NEK1: variants seen among roughly 807,000 people sequenced by gnomAD.
NEK1 encodes the protein NIMA related kinase 1, also known as serine/threonine-protein kinase Nek1.
In NEK1, 137 loss-of-function variants were observed where a neutral mutation model predicts 182.1. That is an observed-to-expected ratio of 0.75 (90% CI 0.65 to 0.87). The LOEUF (loss-of-function observed/expected upper bound fraction) is 0.87. Among genes scored for constraint, NEK1 ranks in the 40% least tolerant of loss-of-function variants. The pLI, the probability that NEK1 is intolerant of heterozygous loss-of-function variation, is 0.00. For missense variants in NEK1, 1,391 were observed against 1,494.4 expected (o/e 0.93, Z 1.14); for synonymous variants, 513 against 492.2 (o/e 1.04, Z -0.56).
rs143909116 is a variant in NEK1, at chr4:169,605,150, G to T, written c.-48-2472C>A. Reference sequence around the variant, plus strand: ...TCATTATTCTGCGACTTTCTGCCAAGAGAGGGAAACAAAATTAGTCAATTT... The same window carrying T: ...TCATTATTCTGCGACTTTCTGCCAATAGAGGGAAACAAAATTAGTCAATTT... On this transcript the variant is annotated intron_variant, in intron 2 of 35. Coordinates refer to ENST00000507142, the MANE Select transcript of NEK1 (RefSeq NM_001199397.3). Among the ~76,000 whole-genome samples, 10 of 152,302 alleles carry T rather than the reference G, an allele frequency of 6.6e-5. No individual in the cohort carries two copies. In the East Asian group the frequency reaches 7.7e-4, roughly 12 times the overall value.
chr4:169,409,162 T>A (rs1165820116), intron 31 of NEK1, among the ~76,000 whole-genome samples: 1 of 152,138 alleles, frequency 6.6e-6, no homozygotes, highest in Non-Finnish European at 1.5e-5. Context: ...TTTCTTTTTT[T>A]TGAGACAGAG....
At chr4:169,480,182 T>C (rs1747719139) in intron 23 of NEK1, among the ~76,000 whole-genome samples, 2 of 152,158 alleles carry the variant, frequency 1.3e-5, no homozygotes, top group Admixed American at 6.5e-5. Context: ...CTAGTCTTCC[T>C]CAATCTAGGA....
chr4:169,489,713 A>C (rs1749712896), intron 23 of NEK1, among the ~76,000 whole-genome samples: 1 of 152,110 alleles, frequency 6.6e-6, no homozygotes, highest in Non-Finnish European at 1.5e-5. Context: ...CAGAAACTGA[A>C]GTGCAGTTAT....
rs1408908456 is a variant in NEK1 at position 169,516,388 on chromosome 4, A to C, written c.1666-7536T>G. Among the ~76,000 whole-genome samples, 4 of 126,602 alleles carry C rather than the reference A, an allele frequency of 3.2e-5. 1 individual carries two copies. The highest frequency in any genetic ancestry group is 1.5e-4 in the African/African-American group (4 of 25,978). 83.1% of individuals were successfully genotyped at this position (126,602 alleles called of 152,430 possible). Reference sequence around the variant, plus strand: ...TTGTAAATTTGTTTGAGTTCATTGTAGATTCTGGATATTAGGCCTTTGTCA... The same window carrying C: ...TTGTAAATTTGTTTGAGTTCATTGTCGATTCTGGATATTAGGCCTTTGTCA... On this transcript the variant is annotated intron_variant, in intron 19 of 35. Coordinates refer to ENST00000507142, the MANE Select transcript of NEK1 (RefSeq NM_001199397.3).
intron 2 of NEK1, among the ~76,000 whole-genome samples, chr4:169,610,454 C>T (rs10018998): frequency 0.088 from 13,409 of 151,916 alleles, 773 homozygotes; most frequent in African/African-American, 0.16. Flanking sequence ...GCTGGGATTA[C>T]AGGCACGCAC....
intron 19 of NEK1, among the ~76,000 whole-genome samples, chr4:169,523,500 T>C (rs1027419045): frequency 4.6e-5 from 7 of 152,098 alleles, no homozygotes; most frequent in African/African-American, 1.4e-4. Flanking sequence ...AAAATTGCCA[T>C]CCAATAACCA....
chr4:169,562,055 G>C (rs1229378259), intron 13 of NEK1, 82 bp downstream of exon 13: 1 of 1,194,192 alleles, frequency 8.4e-7, no homozygotes, highest in African/African-American at 1.6e-5. Context: ...GGAAAGGTTT[G>C]GAGGCTTTAT....
At chr4:169,401,913 G>T in intron 32 of NEK1, 53 bp from the exon 33 acceptor site, 1 of 1,451,510 alleles carries the variant, frequency 6.9e-7, no homozygotes. Context: ...AATTTACCAA[G>T]TTAAACAACT....
At chr4:169,459,259 A>G (rs1743493277) in intron 27 of NEK1, among the ~76,000 whole-genome samples, 4 of 152,240 alleles carry the variant, frequency 2.6e-5, no homozygotes, top group Admixed American at 2.6e-4. Context: ...GTGGCAAAGC[A>G]GCATATAGTA....
At chr4:169,521,972 G>A (rs1756139814) in intron 19 of NEK1, among the ~76,000 whole-genome samples, 1 of 152,060 alleles carries the variant, frequency 6.6e-6, no homozygotes, top group African/African-American at 2.4e-5. Context: ...TCATTTTTCG[G>A]TCACATACTT....
At chr4:169,432,826 T>G (rs1737683917) in intron 29 of NEK1, among the ~76,000 whole-genome samples, 1 of 152,206 alleles carries the variant, frequency 6.6e-6, no homozygotes, top group Admixed American at 6.5e-5. Context: ...CAGGCTGGCA[T>G]GCAGTGGTGC....
intron 16 of NEK1, among the ~76,000 whole-genome samples, chr4:169,558,525 A>T (rs567105964): frequency 6.6e-6 from 1 of 152,228 alleles, no homozygotes; most frequent in African/African-American, 2.4e-5. Context: ...AAAATCATAA[A>T]TATGTACTCT....
chr4:169,571,322 C>A (rs1764816681), intron 12 of NEK1, among the ~76,000 whole-genome samples: 1 of 152,062 alleles, frequency 6.6e-6, no homozygotes, highest in Admixed American at 6.6e-5. Flanking sequence ...GAACTATTTG[C>A]CAGGAACTAG....
At chr4:169,609,102 T>G (rs1286371806) in intron 2 of NEK1, among the ~76,000 whole-genome samples, 1 of 146,512 alleles carries the variant, frequency 6.8e-6, no homozygotes, top group Non-Finnish European at 1.5e-5. Context: ...AATTTTAAAA[T>G]ACAAGGGGTA....
In NEK1 at chr4:169,591,059, G is replaced by A. The variant is rs115368339; in HGVS notation, c.313-250C>T. 6.9e-3 allele frequency among the ~76,000 whole-genome samples: 1,053 copies of A among 152,088 alleles called. 11 individuals carry two copies. Among genetic ancestry groups the A allele is most frequent in the African/African-American group, 0.024 (1,013 of 41,464 alleles). On this transcript the variant is annotated intron_variant, in intron 5 of 35. Transcript: ENST00000507142. The stretch of plus-strand genomic sequence containing the variant: ...ACAAACATGGAAAGTAACTTTATGA[G>A]TGAAAATGCAAATAATTTATATTTT...
chr4:169,542,968 C>T (rs577828578), intron 18 of NEK1, among the ~76,000 whole-genome samples: 1 of 152,252 alleles, frequency 6.6e-6, no homozygotes, highest in South Asian at 2.1e-4. Flanking sequence ...GTTGCTTTTG[C>T]TGTGCAGAAG....
intron 29 of NEK1, among the ~76,000 whole-genome samples, chr4:169,428,886 T>C (rs1169871517): frequency 2.6e-5 from 4 of 152,226 alleles, no homozygotes; most frequent in Non-Finnish European, 5.9e-5. Flanking sequence ...AATATTATTT[T>C]ATTCCATTAA....
rs796124050 is a variant in NEK1 at position 169,563,368 on chromosome 4, T to TA, written c.1021-1173dup. Among the ~76,000 whole-genome samples the TA allele has an allele frequency of 1.1e-3, 163 of 150,456 alleles. 1 individual carries two copies. Among genetic ancestry groups the TA allele is most frequent in the African/African-American group, 2.4e-3 (97 of 40,482 alleles). On this transcript the variant is annotated intron_variant, in intron 12 of 35. Coordinates refer to ENST00000507142, the MANE Select transcript of NEK1 (RefSeq NM_001199397.3). ...CGAGATCCTGTCTCAAAAAAAAAAA[T>TA]AAAAATAAAAAAATCAAGTATCTGG...
intron 29 of NEK1, among the ~76,000 whole-genome samples, chr4:169,429,640 G>C (rs1157259442): frequency 1.3e-5 from 2 of 152,096 alleles, no homozygotes; most frequent in Non-Finnish European, 2.9e-5. Flanking sequence ...TTGAGGAGGA[G>C]TAAGTATCTG....
Sources: gnomAD v4.1 joint callset for allele counts (sites outside exome capture counted in the v4.1 genomes callset) on GRCh38, gnomAD v4.1.1 for gene constraint, MANE v1.5 for transcripts, NCBI Gene and HGNC (gene_info 2026-07-23, HGNC 2026-07-21) for gene names.